The following PRR5L variants were observed in gnomAD, a reference collection of about 807,000 sequenced individuals.
PRR5L encodes proline-rich protein 5-like.
Under a neutral mutation model 36.4 loss-of-function variants are expected in PRR5L, and 21 were observed. The ratio of observed to expected loss-of-function variants is 0.58; its 90% CI spans 0.41 to 0.83. PRR5L has a LOEUF of 0.83. Ranked by LOEUF, PRR5L falls within the 40% of genes least tolerant of loss-of-function variation. PRR5L has a pLI of 0.00. For synonymous variants in PRR5L, 188 were observed against 197.0 expected (o/e 0.95, Z 0.38); for missense variants, 381 against 473.3 (o/e 0.80, Z 1.81).
intron 1 of PRR5L, among the ~76,000 whole-genome samples, chr11:36,375,348 T>C (rs1857243839): frequency 2.0e-5 from 3 of 152,156 alleles, no homozygotes; most frequent in African/African-American, 7.2e-5. Flanking sequence ...AGGGCTTCTG[T>C]TGAGGATCTT....
At chr11:36,451,151 C>A in intron 7 of PRR5L, 58 bp from the exon 8 acceptor site, 1 of 1,595,964 alleles carries the variant, frequency 6.3e-7, no homozygotes, top group Non-Finnish European at 8.6e-7. Context: ...TGAGTGAGAA[C>A]CTGCTGGTCA....
At chr11:36,430,867 T>C (rs970225757) in intron 4 of PRR5L, among the ~76,000 whole-genome samples, 2 of 152,230 alleles carry the variant, frequency 1.3e-5, no homozygotes, top group Admixed American at 6.5e-5. Context: ...CTCTGCTCCA[T>C]ATGCTTCTTT....
At chr11:36,404,026 G>C (rs757420834) in intron 3 of PRR5L, among the ~76,000 whole-genome samples, 8 of 152,186 alleles carry the variant, frequency 5.3e-5, no homozygotes, top group Non-Finnish European at 7.3e-5. Context: ...CTGCTGCTGT[G>C]ATCTGAAACA....
chr11:36,334,216 G>A (rs1856747387), intron 1 of PRR5L, among the ~76,000 whole-genome samples: 2 of 152,220 alleles, frequency 1.3e-5, no homozygotes, highest in South Asian at 4.1e-4. Context: ...GGTGGTCTTG[G>A]GTCCCGGGGA....
intron 8 of PRR5L, among the ~76,000 whole-genome samples, chr11:36,454,988 A>G (rs1859022906): frequency 1.3e-5 from 2 of 152,188 alleles, no homozygotes; most frequent in Non-Finnish European, 2.9e-5. Context: ...CCATCTTTCA[A>G]GTCCCCGAAG....
At chr11:36,452,955 G>A (rs1858974116) in intron 8 of PRR5L, among the ~76,000 whole-genome samples, 1 of 152,192 alleles carries the variant, frequency 6.6e-6, no homozygotes, top group African/African-American at 2.4e-5. Context: ...TTGAATTCCA[G>A]CTTATATAGC....
At chr11:36,436,886 T>G (rs536623402) in intron 5 of PRR5L, among the ~76,000 whole-genome samples, 6 of 152,342 alleles carry the variant, frequency 3.9e-5, no homozygotes, top group Admixed American at 3.3e-4. Flanking sequence ...TAACAATTCA[T>G]GTAATAACAA....
At chr11:36,410,220 G>C (rs573703121) in intron 3 of PRR5L, among the ~76,000 whole-genome samples, 3 of 152,320 alleles carry the variant, frequency 2.0e-5, no homozygotes, top group East Asian at 3.9e-4. Context: ...TGGCCTAAAA[G>C]TTGTTTAGAA....
intron 1 of PRR5L, among the ~76,000 whole-genome samples, chr11:36,306,203 CTCA>C (rs1856429945): frequency 6.6e-6 from 1 of 152,158 alleles, no homozygotes. Context: ...CACCCATCAA[CTCA>C]TCATTTACAT....
rs1858627805 is a variant in PRR5L at position 36,437,431 on chromosome 11, CA to C, written c.400del (p.Thr134LeufsTer19). ...TGGCTGAAGTCTGGGACCACTTCTT[CA>C]CTGAGACTCTCCCTACCCTGCAGGC... Reference protein sequence around the residue: ...VLAEVWDHFFTETLPTLQAIF... With the variant: ...VLAEVWDHFFXETLPTLQAIF... On this transcript the variant is annotated frameshift_variant, in exon 6 of 9. Transcript: ENST00000530639. LOFTEE classifies it high-confidence loss of function. 1.2e-6 allele frequency: 2 copies of C among 1,612,946 alleles called. No homozygotes were observed. Among genetic ancestry groups the C allele is most frequent in the Non-Finnish European group, 1.7e-6 (2 of 1,179,050 alleles).
intron 4 of PRR5L, among the ~76,000 whole-genome samples, chr11:36,426,527 A>G (rs1858386359): frequency 6.6e-6 from 1 of 152,214 alleles, no homozygotes; most frequent in South Asian, 2.1e-4. Flanking sequence ...TTGTATCAGT[A>G]TTTTTATTAC....
At position 36,352,493 on chromosome 11, in the gene PRR5L, A is replaced by T. The variant is rs1433685342; in HGVS notation, c.-125-48504A>T. Among the ~76,000 whole-genome samples, 7 of 152,112 alleles carry T rather than the reference A, an allele frequency of 4.6e-5. No homozygotes were observed. The East Asian group carries it at 7.7e-4, about 17-fold the overall frequency. On this transcript the variant is annotated intron_variant, in intron 1 of 8. Transcript: ENST00000530639. ...TGAAATTAGAGAGTTTTAGATCTAG[A>T]TAGGGCTCACCTTACTCCTTCCCCC... is the stretch of plus-strand genomic sequence containing the variant.
intron 1 of PRR5L, among the ~76,000 whole-genome samples, chr11:36,343,845 C>A (rs1212980464): frequency 6.6e-6 from 1 of 151,962 alleles, no homozygotes; most frequent in Non-Finnish European, 1.5e-5. Flanking sequence ...GAATATAGAT[C>A]TAGGGCATTT....
Position 36,401,291 on chromosome 11 carries a change from G to A in PRR5L, c.164+6G>A, listed in dbSNP as rs1173078554. The A allele has an allele frequency of 2.5e-6, 4 of 1,608,800 alleles. No homozygotes were observed. The African/African-American group carries it at 4.0e-5, about 16-fold the overall frequency. On this transcript the variant is annotated splice_donor_region_variant and intron_variant, in intron 2 of 8. Coordinates refer to ENST00000530639, the MANE Select transcript of PRR5L (RefSeq NM_001160167.2). Reference sequence around the variant, plus strand: ...TCCAGCTCAGCCTGGAACAGGTGAAGGAGGCTGCAGGATGTGGGGTGGAGG... The same window carrying A: ...TCCAGCTCAGCCTGGAACAGGTGAAAGAGGCTGCAGGATGTGGGGTGGAGG...
At chr11:36,422,732 A>C (rs1402241107) in intron 4 of PRR5L, among the ~76,000 whole-genome samples, 2 of 152,176 alleles carry the variant, frequency 1.3e-5, no homozygotes, top group Non-Finnish European at 2.9e-5. Context: ...AGAGAAGACA[A>C]GCTGTGTGAT....
intron 1 of PRR5L, among the ~76,000 whole-genome samples, chr11:36,322,251 T>C (rs1033165885): frequency 1.3e-5 from 2 of 152,248 alleles, no homozygotes; most frequent in African/African-American, 2.4e-5. Context: ...AAATCTTCTG[T>C]GTGCCTGACA....
intron 1 of PRR5L, among the ~76,000 whole-genome samples, chr11:36,396,786 C>T (rs1857668831): frequency 6.6e-6 from 1 of 152,186 alleles, no homozygotes; most frequent in East Asian, 1.9e-4. Context: ...GGCAGCTGTT[C>T]TTTCTCCTTT....
chr11:36,462,487 C>T lies in PRR5L; in HGVS notation c.858C>T (p.Ser286=), dbSNP rs372120617. ...AAGCCTACCTGGAGAAGTGTGGCAG[C>T]GTGCGGCGGCACACGGTGGCCAATG... ...EGEAYLEKCG[S]VRRHTVANAH... The change falls in exon 9 of 9, where the codon AGC becomes AGT. Residue 286 remains serine, a synonymous_variant. Transcript: ENST00000530639. 3.8e-4 allele frequency: 609 copies of T among 1,607,978 alleles called. No individual in the cohort carries two copies. Among genetic ancestry groups the T allele is most frequent in the Non-Finnish European group, 4.5e-4 (528 of 1,176,740 alleles).
intron 1 of PRR5L, among the ~76,000 whole-genome samples, chr11:36,331,006 A>G (rs1172021705): frequency 1.3e-5 from 2 of 152,120 alleles, no homozygotes; most frequent in African/African-American, 2.4e-5. Context: ...GGGTTACACC[A>G]TGTTGGCCAG....
Sources: allele counts gnomAD v4.1 joint callset (sites outside exome capture counted in the v4.1 genomes callset), GRCh38; gene constraint gnomAD v4.1.1; transcripts MANE v1.5; gene names NCBI Gene and HGNC (gene_info 2026-07-23, HGNC 2026-07-21).